POLR3C: variants seen among roughly 807,000 people sequenced by gnomAD.
POLR3C encodes RNA polymerase III subunit C, also known as DNA-directed RNA polymerase III subunit RPC3.
A neutral mutation model predicts 65.9 loss-of-function variants in POLR3C; 44 were observed. The ratio of observed to expected loss-of-function variants is 0.67; its 90% CI spans 0.52 to 0.86. POLR3C has a LOEUF of 0.86. Ranked by LOEUF, POLR3C falls within the 40% of genes least tolerant of loss-of-function variation. The probability of loss-of-function intolerance (pLI) is 0.00; values close to 1 mark genes in which losing one functional copy is unlikely to be tolerated. For synonymous variants in POLR3C, 263 were observed against 231.6 expected, an observed-to-expected ratio of 1.14 and a Z score of -1.23; for missense variants, 576 against 653.2, an observed-to-expected ratio of 0.88 and a Z score of 1.29.
At chr1:145,836,309 G>A (rs587637219) in intron 7 of POLR3C, among the ~76,000 whole-genome samples, 185 bp from the exon 8 acceptor site, 3 of 151,932 alleles carry the variant, frequency 2.0e-5, no homozygotes, top group East Asian at 1.9e-4. Flanking sequence ...TACTAGAGAC[G>A]GGGTTTCACC....
At chr1:145,827,785 A>G (rs1650907530) in intron 4 of POLR3C, among the ~76,000 whole-genome samples, 2 of 143,724 alleles carry the variant, frequency 1.4e-5, no homozygotes, top group African/African-American at 2.7e-5. Flanking sequence ...AAAAATAGCC[A>G]GGTATGGTGG....
At chr1:145,825,111 G>GT (rs201192455) in intron 1 of POLR3C, among the ~76,000 whole-genome samples, 31 of 149,052 alleles carry the variant, frequency 2.1e-4, no homozygotes, top group South Asian at 6.4e-4. Context: ...AATTTTTTTT[G>GT]TTTTTTTTTG....
intron 5 of POLR3C, among the ~76,000 whole-genome samples, chr1:145,830,886 T>G (rs1445440118): frequency 6.6e-6 from 1 of 151,824 alleles, no homozygotes; most frequent in Non-Finnish European, 1.5e-5. Flanking sequence ...GAAGAATCAC[T>G]TGAGCCCAGG....
intron 9 of POLR3C, 116 bp downstream of exon 9, chr1:145,836,982 A>C (rs1215846916): frequency 3.5e-6 from 2 of 570,866 alleles, no homozygotes; most frequent in Non-Finnish European, 6.2e-6. Flanking sequence ...AGAAAATTGA[A>C]GTAATTGTTA....
intron 4 of POLR3C, among the ~76,000 whole-genome samples, chr1:145,828,204 T>TC (rs1650946575): frequency 6.6e-6 from 1 of 152,196 alleles, no homozygotes; most frequent in African/African-American, 2.4e-5. Context: ...GGGTCTGATC[T>TC]CAGAAGCTAA....
chr1:145,843,833 A>G lies in POLR3C; in HGVS notation c.*1413A>G, dbSNP rs1314467240. Among the ~76,000 whole-genome samples the G allele has an allele frequency of 6.6e-6, 1 of 152,232 alleles. No homozygotes were observed. Among genetic ancestry groups the G allele is most frequent in the Non-Finnish European group, 1.5e-5 (1 of 68,044 alleles). On this transcript the variant is annotated 3_prime_UTR_variant, in exon 15 of 15. Transcript: ENST00000334163. The stretch of plus-strand genomic sequence containing the variant: ...TATATAAGGAGCTCAAACAATAGCA[A>G]AAAGAACAATCCAACTTAAAAATGG...
intron 5 of POLR3C, among the ~76,000 whole-genome samples, chr1:145,829,915 A>G (rs1651155339): frequency 6.6e-6 from 1 of 152,154 alleles, no homozygotes; most frequent in African/African-American, 2.4e-5. Context: ...CATATACTTC[A>G]CAGCATTTAT....
chr1:145,837,962 T>G, intron 10 of POLR3C, 94 bp from the exon 11 acceptor site: 1 of 1,146,260 alleles, frequency 8.7e-7, no homozygotes, highest in Non-Finnish European at 1.3e-6. Flanking sequence ...TGGTACTGGC[T>G]TCACACATGG....
rs1020076477 is a variant in POLR3C at position 145,835,461 on chromosome 1, T to G, written c.877-1033T>G. On this transcript the variant is annotated intron_variant, in intron 7 of 14. Transcript: ENST00000334163. ...CTCTGTCTCAAAAAAAAAAAAAAAG[T>G]TTGGTATATATCTTTATTCAGACCT... Among the ~76,000 whole-genome samples the G allele has an allele frequency of 3.3e-5, 5 of 150,016 alleles. No individual in the cohort carries two copies. In the East Asian group the frequency reaches 9.8e-4, roughly 29 times the overall value.
At chr1:145,825,971 T>C in intron 2 of POLR3C, 48 bp downstream of exon 2, 2 of 1,446,196 alleles carry the variant, frequency 1.4e-6, no homozygotes, top group South Asian at 1.2e-5. Flanking sequence ...CACTAATTTA[T>C]TTCACCCACC....
intron 7 of POLR3C, among the ~76,000 whole-genome samples, chr1:145,835,257 C>T (rs1553728277): frequency 6.6e-6 from 1 of 151,070 alleles, no homozygotes; most frequent in African/African-American, 2.4e-5. Context: ...CAGCATAGTC[C>T]AACATGGTGA....
Position 145,828,799 on chromosome 1 carries a change from A to G in POLR3C, c.640A>G (p.Lys214Glu). Residue 214 changes from lysine to glutamate, a missense_variant, in exon 5 of 15, where the codon AAG (lysine) becomes GAG (glutamate). Transcript: ENST00000334163. ...TGATGAAGATGCTGCTGGGGAGCCC[A>G]AGGCCAAGAGACCAAAATATACTAC... ...SSDEDAAGEP[K>E]AKRPKYTTDN... is the part of the protein sequence containing the mutation. 1 of 1,610,118 alleles carries G rather than the reference A, an allele frequency of 6.2e-7. No individual in the cohort carries two copies. The highest frequency in any genetic ancestry group is 8.5e-7 in the Non-Finnish European group (1 of 1,176,316).
intron 10 of POLR3C, among the ~76,000 whole-genome samples, chr1:145,837,852 C>G (rs371528690): frequency 1.2e-4 from 18 of 152,280 alleles, no homozygotes; most frequent in African/African-American, 4.1e-4. Flanking sequence ...TCAAATGAGT[C>G]AGCAGTTGGT....
chr1:145,833,393 C>T (rs1651516665), intron 6 of POLR3C, 29 bp downstream of exon 6: 4 of 1,532,310 alleles, frequency 2.6e-6, no homozygotes, highest in Non-Finnish European at 3.6e-6. Flanking sequence ...TGTCATTGGT[C>T]ATCAGGGACA....
chr1:145,832,899 G>A (rs1295489328), intron 5 of POLR3C, among the ~76,000 whole-genome samples: 6 of 152,088 alleles, frequency 3.9e-5, no homozygotes, highest in African/African-American at 9.7e-5. Flanking sequence ...GTGGTTGCCT[G>A]TAATCCCAAC....
At chr1:145,839,290 C>T (rs2018027) in intron 11 of POLR3C, among the ~76,000 whole-genome samples, 55,707 of 151,766 alleles carry the variant, frequency 0.37, 10,448 homozygotes, top group African/African-American at 0.41. Context: ...AATAATACGA[C>T]TTTTTGTAAA....
chr1:145,837,658 A>T (rs1215073082), intron 10 of POLR3C, 62 bp downstream of exon 10: 2 of 1,091,498 alleles, frequency 1.8e-6, no homozygotes, highest in South Asian at 1.3e-5. Flanking sequence ...AAGTAATTTG[A>T]TCATTATGTA....
intron 9 of POLR3C, 125 bp from the exon 10 acceptor site, chr1:145,837,411 A>C: frequency 1.8e-6 from 1 of 550,752 alleles, no homozygotes; most frequent in Non-Finnish European, 3.2e-6. Flanking sequence ...TGAAACCATA[A>C]ATTATAACAT....
At chr1:145,841,769 TTC>T (rs1553730644) in intron 14 of POLR3C, among the ~76,000 whole-genome samples, 1 of 152,170 alleles carries the variant, frequency 6.6e-6, no homozygotes, top group African/African-American at 2.4e-5. Context: ...AGAGTTTTAC[TTC>T]TGTCTTTTCA....
Sources: allele counts gnomAD v4.1 joint callset (sites outside exome capture counted in the v4.1 genomes callset), GRCh38; gene constraint gnomAD v4.1.1; transcripts MANE v1.5; gene names NCBI Gene and HGNC (gene_info 2026-07-23, HGNC 2026-07-21).